Variants in CFAP95 observed in about 807,000 individuals in gnomAD.
CFAP95 encodes cilia and flagella associated protein 95.
chr9:69,833,962 C>T, the CFAP95 span, among the ~76,000 whole-genome samples: 1 of 152,104 alleles, frequency 6.6e-6, no homozygotes, highest in East Asian at 1.9e-4. Flanking sequence ...CATGGAATCA[C>T]TAAGTGTGAT....
At chr9:69,840,145 C>T in the CFAP95 span, among the ~76,000 whole-genome samples, 2 of 151,376 alleles carry the variant, frequency 1.3e-5, no homozygotes, top group Admixed American at 1.3e-4. Flanking sequence ...AAAGTTACTG[C>T]TCTAGAGGCA....
the CFAP95 span, among the ~76,000 whole-genome samples, chr9:69,873,212 T>C: frequency 6.6e-6 from 1 of 152,170 alleles, no homozygotes; most frequent in Non-Finnish European, 1.5e-5. Flanking sequence ...ACATGGTGGA[T>C]TGACATTTAA....
At chr9:69,827,927 G>A in the CFAP95 span, among the ~76,000 whole-genome samples, 5 of 152,142 alleles carry the variant, frequency 3.3e-5, no homozygotes, top group East Asian at 1.9e-4. Flanking sequence ...GAAAGAGAGC[G>A]AGCAGATGCC....
At chr9:69,891,948 A>G in the CFAP95 span, among the ~76,000 whole-genome samples, 2 of 152,282 alleles carry the variant, frequency 1.3e-5, no homozygotes, top group Middle Eastern at 6.8e-3. Flanking sequence ...AATTTTCTGT[A>G]TAACAGCTGT....
the CFAP95 span, chr9:69,856,561 AC>A: frequency 6.3e-7 from 1 of 1,597,532 alleles, no homozygotes; most frequent in South Asian, 1.1e-5. Flanking sequence ...CCAGATTTGG[AC>A]ATCAGAAACA....
the CFAP95 span, among the ~76,000 whole-genome samples, chr9:69,853,059 C>T: frequency 6.6e-6 from 1 of 152,192 alleles, no homozygotes; most frequent in Non-Finnish European, 1.5e-5. Context: ...CGGACCAATA[C>T]ACCTTCCTTC....
chr9:69,845,027 A>G, the CFAP95 span, among the ~76,000 whole-genome samples: 1 of 152,052 alleles, frequency 6.6e-6, no homozygotes, highest in Non-Finnish European at 1.5e-5. Flanking sequence ...AGACTAAGCA[A>G]CTTACTCAAA....
chr9:69,826,082 T>C, the CFAP95 span, among the ~76,000 whole-genome samples: 1 of 152,118 alleles, frequency 6.6e-6, no homozygotes, highest in Non-Finnish European at 1.5e-5. Flanking sequence ...GTAGGGAATT[T>C]TGTAGTTTTA....
chr9:69,872,392 A>T, the CFAP95 span, among the ~76,000 whole-genome samples: 2 of 152,224 alleles, frequency 1.3e-5, no homozygotes, highest in Non-Finnish European at 2.9e-5. Context: ...CTCATTAAGT[A>T]ATTAATCCAT....
At chr9:69,898,126 C>G in the CFAP95 span, among the ~76,000 whole-genome samples, 1 of 152,004 alleles carries the variant, frequency 6.6e-6, no homozygotes, top group Non-Finnish European at 1.5e-5. Flanking sequence ...ACTGAAAATG[C>G]ACCCTCAAGG....
At chr9:69,845,832 A>G in the CFAP95 span, among the ~76,000 whole-genome samples, 252 of 152,286 alleles carry the variant, frequency 1.7e-3, no homozygotes, top group Non-Finnish European at 2.5e-3. Context: ...CTCTTGCTCC[A>G]TAGCCCAGAT....
the CFAP95 span, among the ~76,000 whole-genome samples, chr9:69,821,906 A>G: frequency 6.6e-6 from 1 of 152,094 alleles, no homozygotes; most frequent in African/African-American, 2.4e-5. Context: ...ACACCTTAAG[A>G]TGGGTGTTGT....
At chr9:69,859,658 A>G in the CFAP95 span, among the ~76,000 whole-genome samples, 1 of 152,216 alleles carries the variant, frequency 6.6e-6, no homozygotes, top group Non-Finnish European at 1.5e-5. Context: ...AAGAAGCCCT[A>G]GTACCAGTAC....
the CFAP95 span, chr9:69,858,015 T>C: frequency 6.3e-7 from 1 of 1,592,268 alleles, no homozygotes. Flanking sequence ...GTACAAAATG[T>C]TTCTTGATTC....
At chr9:69,891,207 C>T in the CFAP95 span, among the ~76,000 whole-genome samples, 2 of 152,150 alleles carry the variant, frequency 1.3e-5, no homozygotes, top group African/African-American at 2.4e-5. Flanking sequence ...AACTATATCC[C>T]TTTAACAGCA....
At chr9:69,885,858 T>C in the CFAP95 span, among the ~76,000 whole-genome samples, 1 of 152,190 alleles carries the variant, frequency 6.6e-6, no homozygotes, top group South Asian at 2.1e-4. Flanking sequence ...CTTTCACACA[T>C]ATCATTAGTA....
At chr9:69,872,157 T>C in the CFAP95 span, among the ~76,000 whole-genome samples, 2 of 152,206 alleles carry the variant, frequency 1.3e-5, no homozygotes, top group African/African-American at 4.8e-5. Flanking sequence ...CCTGTGTCAT[T>C]AACTTTTAAT....
the CFAP95 span, among the ~76,000 whole-genome samples, chr9:69,885,312 G>T: frequency 6.6e-6 from 1 of 151,988 alleles, no homozygotes; most frequent in East Asian, 1.9e-4. Flanking sequence ...AATGGAGGTG[G>T]GGTTTTAATT....
At chr9:69,901,163 A>T in the CFAP95 span, among the ~76,000 whole-genome samples, 1 of 142,190 alleles carries the variant, frequency 7.0e-6, no homozygotes, top group African/African-American at 2.7e-5. Context: ...TTTGAGATGG[A>T]GTCTTGCTCT....
Sources: allele counts gnomAD v4.1 joint callset (sites outside exome capture counted in the v4.1 genomes callset), GRCh38; gene constraint gnomAD v4.1.1; transcripts MANE v1.5; gene names NCBI Gene and HGNC (gene_info 2026-07-23, HGNC 2026-07-21).